KCNN2: variants seen among roughly 807,000 people sequenced by gnomAD.
KCNN2 encodes the protein potassium calcium-activated channel subfamily N member 2.
KCNN2 carries 24 observed loss-of-function variants against 55.5 expected under a neutral mutation model. That is an observed-to-expected ratio of 0.43 (90% CI 0.31 to 0.61). The LOEUF (loss-of-function observed/expected upper bound fraction) is 0.61, where lower values mean the gene tolerates loss of function less well. Ranked by LOEUF, KCNN2 falls within the 20% of genes least tolerant of loss-of-function variation. The pLI is 0.08. For missense variants in KCNN2, 754 were observed against 853.6 expected, an observed-to-expected ratio of 0.88 and a Z score of 1.45; for synonymous variants, 431 against 336.1, an observed-to-expected ratio of 1.28 and a Z score of -3.09.
At chr5:114,106,643 G>GTTTTTTTTTTTTT (rs149036166) in intron 1 of KCNN2, among the ~76,000 whole-genome samples, 23 of 69,920 alleles carry the variant, frequency 3.3e-4, no homozygotes, top group African/African-American at 7.0e-4. Flanking sequence ...TTTTCCAGTT[G>GTTTTTTTTTTTTT]TTTTTTTTTT....
At position 114,363,274 on chromosome 5, in the gene KCNN2, A is replaced by G; in HGVS notation, c.1122+13A>G. ...CGCCTACGACAAGGTACAGGCTTGA[A>G]CCCCAGCCCACGCTACCGGAGTCGG... On this transcript the variant is annotated intron_variant, in intron 1 of 7. Transcript: ENST00000673685. 1 of 1,577,376 alleles carries G rather than the reference A, an allele frequency of 6.3e-7. No individual in the cohort carries two copies. The highest frequency in any genetic ancestry group is 8.6e-7 in the Non-Finnish European group (1 of 1,162,066).
intron 1 of KCNN2, among the ~76,000 whole-genome samples, chr5:114,161,664 C>T (rs1483874763): frequency 6.6e-6 from 1 of 152,192 alleles, no homozygotes; most frequent in Non-Finnish European, 1.5e-5. Context: ...TTGGTCTTTT[C>T]ACATAGTCCC....
At position 114,353,624 on chromosome 5, in the gene KCNN2, G is replaced by T. The variant is rs539520952; in HGVS notation, c.-184-7321G>T. 5.9e-5 allele frequency among the ~76,000 whole-genome samples: 9 copies of T among 151,964 alleles called. No homozygotes were observed. The South Asian group carries it at 1.7e-3, about 28-fold the overall frequency. Reference sequence around the variant, plus strand: ...CTGAAAGCTTTCTTTAGCATTTCTGGAAAGGCAAGTCTGTTAGCATTACAT... The same window carrying T: ...CTGAAAGCTTTCTTTAGCATTTCTGTAAAGGCAAGTCTGTTAGCATTACAT... On this transcript the variant is annotated intron_variant, in intron 2 of 10. Transcript: ENST00000512097.
intron 3 of KCNN2, among the ~76,000 whole-genome samples, chr5:114,408,250 T>C (rs1759004142): frequency 6.6e-6 from 1 of 152,044 alleles, no homozygotes; most frequent in Non-Finnish European, 1.5e-5. Context: ...TTGTTGTCCT[T>C]ATGGGTTTAC....
At chr5:114,112,193 C>T (rs560306193) in intron 1 of KCNN2, among the ~76,000 whole-genome samples, 19 of 152,206 alleles carry the variant, frequency 1.2e-4, no homozygotes, top group African/African-American at 4.3e-4. Flanking sequence ...ATGGATGAAG[C>T]TGGAAACCAT....
chr5:114,295,722 G>A (rs572605768), intron 2 of KCNN2, among the ~76,000 whole-genome samples: 2 of 152,194 alleles, frequency 1.3e-5, no homozygotes, highest in South Asian at 2.1e-4. Context: ...TGCACCCACT[G>A]TCTGGCACTC....
chr5:114,388,576 T>A (rs1157944134), intron 2 of KCNN2, among the ~76,000 whole-genome samples: 1 of 152,188 alleles, frequency 6.6e-6, no homozygotes, highest in Non-Finnish European at 1.5e-5. Flanking sequence ...AATTTGTGTT[T>A]AGACTTACTA....
chr5:114,370,168 G>A (rs1256264126), intron 2 of KCNN2, among the ~76,000 whole-genome samples: 2 of 152,078 alleles, frequency 1.3e-5, no homozygotes, highest in Non-Finnish European at 2.9e-5. Context: ...ATCCCACCCA[G>A]CATGAGAATG....
At chr5:114,095,320 A>G (rs1751233503) in intron 1 of KCNN2, among the ~76,000 whole-genome samples, 1 of 152,186 alleles carries the variant, frequency 6.6e-6, no homozygotes, top group African/African-American at 2.4e-5. Flanking sequence ...ACTGTGCCTT[A>G]TCTCTTTTAA....
At chr5:114,397,045 T>A (rs1758641661) in intron 2 of KCNN2, among the ~76,000 whole-genome samples, 1 of 152,196 alleles carries the variant, frequency 6.6e-6, no homozygotes, top group Non-Finnish European at 1.5e-5. Context: ...CTGCTGCAAA[T>A]GATATGATCT....
intron 2 of KCNN2, among the ~76,000 whole-genome samples, chr5:114,225,938 G>T (rs562022334): frequency 6.6e-6 from 1 of 152,258 alleles, no homozygotes; most frequent in South Asian, 2.1e-4. Flanking sequence ...GAGGGACATA[G>T]ATTAGTGAGC....
At chr5:114,256,137 T>C (rs143121386) in intron 2 of KCNN2, among the ~76,000 whole-genome samples, 3 of 152,178 alleles carry the variant, frequency 2.0e-5, no homozygotes. Context: ...CTTAAGATAA[T>C]CATCTACAGT....
At chr5:114,123,308 CACTT>C (rs1195861309) in intron 1 of KCNN2, among the ~76,000 whole-genome samples, 1 of 150,954 alleles carries the variant, frequency 6.6e-6, no homozygotes, top group Admixed American at 6.6e-5. Flanking sequence ...AGTATAACAT[CACTT>C]ACTTTGAGTT....
At chr5:114,246,714 A>G (rs867249878) in intron 2 of KCNN2, among the ~76,000 whole-genome samples, 2 of 152,112 alleles carry the variant, frequency 1.3e-5, no homozygotes, top group African/African-American at 2.4e-5. Flanking sequence ...GAATAACACA[A>G]TATTCAAATG....
chr5:114,458,575 A>G (rs1158185232), intron 3 of KCNN2, among the ~76,000 whole-genome samples: 2 of 152,186 alleles, frequency 1.3e-5, no homozygotes, highest in African/African-American at 2.4e-5. Context: ...TTTTGTAAGC[A>G]TCTGTGACTA....
chr5:114,232,925 G>GTTTTTTTTGTTTTTTTTTTTTTTT (rs554932578), intron 2 of KCNN2, among the ~76,000 whole-genome samples: 1 of 76,276 alleles, frequency 1.3e-5, no homozygotes, highest in African/African-American at 4.6e-5. Flanking sequence ...ATTGTTTCTT[G>GTTTTTTTTGTTTTTTTTTTTTTTT]TTTTTTTTTT....
chr5:114,130,654 T>A (rs1752053201), intron 1 of KCNN2, among the ~76,000 whole-genome samples: 1 of 152,232 alleles, frequency 6.6e-6, no homozygotes, highest in Non-Finnish European at 1.5e-5. Flanking sequence ...CATCTGGATC[T>A]TTTTATCTAG....
chr5:114,421,856 C>T lies in KCNN2; in HGVS notation c.1637+17000C>T, dbSNP rs745942141. Among the ~76,000 whole-genome samples the T allele has an allele frequency of 5.3e-5, 8 of 152,270 alleles. No individual in the cohort carries two copies. The South Asian group carries it at 8.3e-4, about 16-fold the overall frequency. Reference sequence around the variant, plus strand: ...AACTCCTGACCTCAGGTTATCCACCCGCCTCGGCCTCCCAAAGTGTTTACA... The same window carrying T: ...AACTCCTGACCTCAGGTTATCCACCTGCCTCGGCCTCCCAAAGTGTTTACA... On this transcript the variant is annotated intron_variant, in intron 3 of 7. Transcript: ENST00000673685.
chr5:114,229,574 T>A (rs1771372407), intron 2 of KCNN2, among the ~76,000 whole-genome samples: 1 of 150,880 alleles, frequency 6.6e-6, no homozygotes, highest in Non-Finnish European at 1.5e-5. Context: ...CAGGTTCATA[T>A]GTATTTGCTT....
Sources: gnomAD v4.1 joint callset for allele counts (sites outside exome capture counted in the v4.1 genomes callset) on GRCh38, gnomAD v4.1.1 for gene constraint, MANE v1.5 for transcripts, NCBI Gene and HGNC (gene_info 2026-07-23, HGNC 2026-07-21) for gene names.